Variants in SHANK2 observed in about 807,000 individuals in gnomAD.
SHANK2 encodes the protein SH3 and multiple ankyrin repeat domains 2.
Under a neutral mutation model 133.7 loss-of-function variants are expected in SHANK2, and 43 were observed. The ratio of observed to expected loss-of-function variants is 0.32; its 90% confidence interval spans 0.25 to 0.41. The LOEUF (loss-of-function observed/expected upper bound fraction) is 0.41, where lower values mean the gene tolerates loss of function less well. Among genes scored for constraint, SHANK2 ranks in the 10% least tolerant of loss-of-function variants. SHANK2 has a pLI of 1.00. For synonymous variants in SHANK2, 1,017 were observed against 952.8 expected, an observed-to-expected ratio of 1.07 and a Z score of -1.24; for missense variants, 1,994 against 2,235.8, an observed-to-expected ratio of 0.89 and a Z score of 2.18.
chr11:70,827,617 G>A, intron 11 of SHANK2, among the ~76,000 whole-genome samples: 1 of 148,334 alleles, frequency 6.7e-6, no homozygotes, highest in Non-Finnish European at 1.5e-5. Context: ...CTGTAATTTA[G>A]TGTGCTGTGT....
intron 2 of SHANK2, among the ~76,000 whole-genome samples, chr11:71,160,003 G>A (rs1429058982): frequency 6.6e-6 from 1 of 151,332 alleles, no homozygotes; most frequent in African/African-American, 2.4e-5. Flanking sequence ...CACCTGAAAG[G>A]GACCTTTACA....
intron 21 of SHANK2, chr11:70,497,069 G>A (rs1373947675): frequency 1.1e-5 from 5 of 455,464 alleles, no homozygotes; most frequent in Non-Finnish European, 2.2e-5. Flanking sequence ...TGGGGTGGTA[G>A]GGTCAGGGGC....
intron 2 of SHANK2, among the ~76,000 whole-genome samples, chr11:71,186,061 C>A (rs534846272): frequency 2.1e-4 from 32 of 152,320 alleles, no homozygotes; most frequent in Non-Finnish European, 4.3e-4. Flanking sequence ...GGCTCATTCA[C>A]CACGATGGAA....
chr11:70,595,226 G>A (rs1361281192), intron 17 of SHANK2, among the ~76,000 whole-genome samples: 1 of 152,166 alleles, frequency 6.6e-6, no homozygotes, highest in Non-Finnish European at 1.5e-5. Flanking sequence ...GCTTTGGCCA[G>A]GAGGGCAGTT....
chr11:70,817,792 T>G (rs2135330337), intron 12 of SHANK2, among the ~76,000 whole-genome samples: 1 of 152,306 alleles, frequency 6.6e-6, no homozygotes, highest in East Asian at 1.9e-4. Context: ...CGGAGTGCAG[T>G]GGTGCCATCT....
intron 15 of SHANK2, among the ~76,000 whole-genome samples, chr11:70,695,621 C>G (rs990522228): frequency 6.6e-6 from 1 of 152,232 alleles, no homozygotes; most frequent in Non-Finnish European, 1.5e-5. Flanking sequence ...CAGGGCTCTA[C>G]TGCCCACAGA....
chr11:70,618,381 G>A (rs1166986830), intron 17 of SHANK2, among the ~76,000 whole-genome samples: 3 of 152,044 alleles, frequency 2.0e-5, no homozygotes, highest in Non-Finnish European at 4.4e-5. Flanking sequence ...CCCACTGAGA[G>A]GGAAAAGTCT....
chr11:70,832,123 T>C (rs1418624895), intron 11 of SHANK2, among the ~76,000 whole-genome samples: 4 of 152,210 alleles, frequency 2.6e-5, no homozygotes, highest in African/African-American at 9.6e-5. Context: ...TGTGCCTCTG[T>C]TTCCTAGTCT....
At chr11:71,087,524 C>T (rs1336238995) in intron 8 of SHANK2, among the ~76,000 whole-genome samples, 1 of 152,174 alleles carries the variant, frequency 6.6e-6, no homozygotes, top group Non-Finnish European at 1.5e-5. Flanking sequence ...GCAACCAGAG[C>T]ACTGTGATGT....
At chr11:70,612,633 C>T (rs1476636337) in intron 17 of SHANK2, among the ~76,000 whole-genome samples, 1 of 152,172 alleles carries the variant, frequency 6.6e-6, no homozygotes, top group Admixed American at 6.5e-5. Context: ...CTCCAGAAGC[C>T]CCCAGCGGCC....
chr11:71,232,043 A>C (rs1158093748), intron 1 of SHANK2, among the ~76,000 whole-genome samples: 2 of 152,206 alleles, frequency 1.3e-5, no homozygotes, highest in Admixed American at 1.3e-4. Context: ...TCAGCAATAA[A>C]AAGGGAAGAA....
chr11:70,750,589 A>T (rs964288836), intron 14 of SHANK2, among the ~76,000 whole-genome samples: 3 of 152,244 alleles, frequency 2.0e-5, no homozygotes, highest in African/African-American at 7.2e-5. Context: ...AGGGGTCTCC[A>T]TGGACACGGA....
chr11:70,493,779 G>T (rs2058931032), intron 21 of SHANK2, among the ~76,000 whole-genome samples: 1 of 152,226 alleles, frequency 6.6e-6, no homozygotes, highest in Non-Finnish European at 1.5e-5. Flanking sequence ...AGGCCATCTG[G>T]AACATTCTGC....
At chr11:70,907,927 C>T in intron 10 of SHANK2, 4 of 451,784 alleles carry the variant, frequency 8.9e-6, no homozygotes, top group South Asian at 6.2e-5. Context: ...CATAGCAAAA[C>T]CCATCTCCAC....
intron 11 of SHANK2, among the ~76,000 whole-genome samples, chr11:70,871,698 A>G (rs533725957): frequency 6.6e-5 from 10 of 152,320 alleles, no homozygotes; most frequent in African/African-American, 1.9e-4. Flanking sequence ...AACACGGGCC[A>G]GACACACCTG....
At chr11:71,058,767 G>A (rs1392492337) in intron 9 of SHANK2, among the ~76,000 whole-genome samples, 1 of 152,268 alleles carries the variant, frequency 6.6e-6, no homozygotes, top group Non-Finnish European at 1.5e-5. Flanking sequence ...CCGAATAAAG[G>A]GGTAAGTGGA....
chr11:71,222,781 G>A (rs970963976), intron 2 of SHANK2, among the ~76,000 whole-genome samples: 13 of 152,224 alleles, frequency 8.5e-5, no homozygotes, highest in African/African-American at 2.9e-4. Flanking sequence ...TAGGATAAAG[G>A]GGTGGACCAC....
intron 11 of SHANK2, among the ~76,000 whole-genome samples, chr11:70,859,847 A>T (rs1438762192): frequency 2.6e-5 from 4 of 152,148 alleles, no homozygotes; most frequent in Admixed American, 2.6e-4. Flanking sequence ...AGGGCTAAAC[A>T]CGAGGACAGA....
chr11:70,582,664 C>A (rs2060199163), intron 17 of SHANK2, among the ~76,000 whole-genome samples: 1 of 152,216 alleles, frequency 6.6e-6, no homozygotes, highest in Non-Finnish European at 1.5e-5. Flanking sequence ...CAGGGTCTCA[C>A]TTCCGATGCT....
Sources: allele counts gnomAD v4.1 joint callset (sites outside exome capture counted in the v4.1 genomes callset), GRCh38; gene constraint gnomAD v4.1.1; transcripts MANE v1.5; gene names NCBI Gene and HGNC (gene_info 2026-07-23, HGNC 2026-07-21).